Variants in NR2C2 observed in about 807,000 individuals in gnomAD.
NR2C2 encodes the protein Nuclear hormone receptor TR4.
Under a neutral mutation model 62.9 loss-of-function variants are expected in NR2C2, and 6 were observed. The observed-to-expected ratio is 0.10, with a 90% CI of 0.05 to 0.19. The LOEUF (loss-of-function observed/expected upper bound fraction) is 0.19, where lower values mean the gene tolerates loss of function less well. Ranked by LOEUF, NR2C2 falls within the 10% of genes least tolerant of loss-of-function variation. The pLI is 1.00. For synonymous variants in NR2C2, 272 were observed against 273.8 expected (o/e 0.99, Z 0.07); for missense variants, 479 against 762.7 (o/e 0.63, Z 4.38).
intron 1 of NR2C2, among the ~76,000 whole-genome samples, chr3:14,975,871 T>G (rs1559539771): frequency 6.6e-6 from 1 of 152,180 alleles, no homozygotes; most frequent in Non-Finnish European, 1.5e-5. Flanking sequence ...TTTTGATTAC[T>G]TATTCTATCT....
intron 1 of NR2C2, among the ~76,000 whole-genome samples, chr3:14,980,805 A>T (rs943527170): frequency 2.0e-5 from 3 of 152,210 alleles, no homozygotes; most frequent in Non-Finnish European, 4.4e-5. Flanking sequence ...GAAATGCATA[A>T]AGATAGAGGG....
At chr3:14,961,596 T>C (rs576134500) in intron 1 of NR2C2, among the ~76,000 whole-genome samples, 3 of 152,318 alleles carry the variant, frequency 2.0e-5, no homozygotes, top group South Asian at 4.1e-4. Context: ...TTAGGAAATA[T>C]TCAGGAGAGC....
At chr3:15,027,020 C>T (rs1431555774) in intron 7 of NR2C2, 1 of 152,362 alleles carries the variant, frequency 6.6e-6, no homozygotes, top group Non-Finnish European at 1.5e-5. Flanking sequence ...GTGCGTGCCA[C>T]CACACCCAGC....
intron 1 of NR2C2, among the ~76,000 whole-genome samples, chr3:14,950,277 A>T (rs1574913042): frequency 6.6e-6 from 1 of 152,240 alleles, no homozygotes; most frequent in South Asian, 2.1e-4. Flanking sequence ...AGTTTGGAAA[A>T]CAAAATAATG....
At chr3:14,971,366 C>T (rs1316581639) in intron 1 of NR2C2, among the ~76,000 whole-genome samples, 3 of 151,670 alleles carry the variant, frequency 2.0e-5, no homozygotes, top group Admixed American at 6.6e-5. Context: ...GATCCACCTG[C>T]CTTGGCCTCC....
intron 1 of NR2C2, among the ~76,000 whole-genome samples, chr3:14,954,142 A>G (rs2039452751): frequency 6.6e-6 from 1 of 152,188 alleles, no homozygotes; most frequent in African/African-American, 2.4e-5. Flanking sequence ...GAATTGAAAA[A>G]TCATTTTTTA....
intron 1 of NR2C2, among the ~76,000 whole-genome samples, chr3:14,970,765 C>A (rs907295851): frequency 2.0e-5 from 3 of 152,138 alleles, no homozygotes; most frequent in Non-Finnish European, 2.9e-5. Flanking sequence ...AACCTCTTGG[C>A]TTTGAGGAAT....
At chr3:14,962,385 A>C (rs1429954209) in intron 1 of NR2C2, 1 of 152,624 alleles carries the variant, frequency 6.6e-6, no homozygotes, top group Non-Finnish European at 1.5e-5. Context: ...CACCTGATAG[A>C]GGTTGCTACA....
intron 1 of NR2C2, among the ~76,000 whole-genome samples, chr3:14,978,566 T>C (rs1167674438): frequency 6.6e-6 from 1 of 152,194 alleles, no homozygotes; most frequent in Non-Finnish European, 1.5e-5. Flanking sequence ...TGGAAACCTA[T>C]TCAGTTTTTT....
Position 15,004,470 on chromosome 3 carries a change from T to C in NR2C2, c.72+484T>C, listed in dbSNP as rs574889006. On this transcript the variant is annotated intron_variant, in intron 2 of 13. Transcript: ENST00000425241. ...GAATGGTACCTGGCACATAATAATG[T>C]TCAATATTTACTAATTATATAATAA... is the stretch of plus-strand genomic sequence containing the variant. 2.3e-6 allele frequency: 3 copies of C among 1,308,200 alleles called. No homozygotes were observed. In the African/African-American group the frequency reaches 4.4e-5, roughly 19 times the overall value. The allele number at this position is 1,308,200 out of a possible 1,614,324, so 81.0% of individuals were successfully genotyped here.
intron 1 of NR2C2, among the ~76,000 whole-genome samples, chr3:14,954,991 C>T (rs2039481028): frequency 6.6e-6 from 1 of 152,050 alleles, no homozygotes; most frequent in Admixed American, 6.6e-5. Context: ...CCACCATGCC[C>T]AGCTAATTTT....
chr3:15,025,916 T>G (rs1336393630), intron 7 of NR2C2: 1 of 152,284 alleles, frequency 6.6e-6, no homozygotes, highest in Non-Finnish European at 1.5e-5. Flanking sequence ...CATTTCTGTT[T>G]ATGACCTTTT....
At chr3:14,954,726 T>C (rs2039473597) in intron 1 of NR2C2, among the ~76,000 whole-genome samples, 1 of 152,076 alleles carries the variant, frequency 6.6e-6, no homozygotes, top group South Asian at 2.1e-4. Context: ...AGAGGGACTT[T>C]TGGGGGTATT....
intron 1 of NR2C2, among the ~76,000 whole-genome samples, chr3:14,958,792 A>G (rs2039602666): frequency 6.6e-6 from 1 of 152,196 alleles, no homozygotes; most frequent in Non-Finnish European, 1.5e-5. Context: ...CCTGGCCAAC[A>G]TGGTGAAACC....
At chr3:15,026,291 G>C (rs985230213) in intron 7 of NR2C2, 1 of 152,176 alleles carries the variant, frequency 6.6e-6, no homozygotes, top group Non-Finnish European at 1.5e-5. Flanking sequence ...GCAGAGTGCT[G>C]AGATTACAGG....
chr3:14,981,276 G>A (rs964388763), intron 1 of NR2C2, among the ~76,000 whole-genome samples: 3 of 152,046 alleles, frequency 2.0e-5, no homozygotes, highest in Admixed American at 1.3e-4. Flanking sequence ...AGACCAGACC[G>A]GACAATATGG....
intron 1 of NR2C2, among the ~76,000 whole-genome samples, chr3:14,995,664 A>C (rs1373556771): frequency 1.0e-5 from 1 of 99,970 alleles, no homozygotes; most frequent in Non-Finnish European, 1.9e-5. Context: ...ACACGTTTTC[A>C]TTACGTGTGT....
rs922595384 is a variant in NR2C2, at chr3:14,947,852, C to G, written c.-94C>G. ...GCGCCCTGCCCTCCGCGCCGGGGGCCGCCCGCCGCAGACACGGGACCCGCT... is the reference window on the plus strand; with the variant it reads ...GCGCCCTGCCCTCCGCGCCGGGGGCGGCCCGCCGCAGACACGGGACCCGCT... On this transcript the variant is annotated 5_prime_UTR_variant, in exon 1 of 14. Transcript: ENST00000425241. The G allele has an allele frequency of 6.7e-6, 1 of 148,844 alleles. No individual in the cohort carries two copies. The highest frequency in any genetic ancestry group is 2.5e-5 in the African/African-American group (1 of 40,792). 9.2% of individuals were successfully genotyped at this position (148,844 alleles called of 1,614,324 possible). A position where few individuals can be genotyped will look rare whatever the true frequency, so the allele number is the denominator to read the frequency against.
At chr3:14,983,982 G>A (rs867802213) in intron 1 of NR2C2, among the ~76,000 whole-genome samples, 5 of 152,090 alleles carry the variant, frequency 3.3e-5, no homozygotes, top group Non-Finnish European at 7.4e-5. Flanking sequence ...TCCACCTCCC[G>A]GGTTCAAGCA....
Sources: gnomAD v4.1 joint callset for allele counts (sites outside exome capture counted in the v4.1 genomes callset) on GRCh38, gnomAD v4.1.1 for gene constraint, MANE v1.5 for transcripts, NCBI Gene and HGNC (gene_info 2026-07-23, HGNC 2026-07-21) for gene names.